Variants in TBC1D14 observed in about 807,000 individuals in gnomAD.
TBC1D14 encodes the protein TBC1 domain family, member 14.
A neutral mutation model predicts 79.0 loss-of-function variants in TBC1D14; 26 were observed. The ratio of observed to expected loss-of-function variants is 0.33; its 90% confidence interval spans 0.24 to 0.46. TBC1D14 has a LOEUF of 0.46. TBC1D14 is among the 20% of genes least tolerant of loss of function. The probability of loss-of-function intolerance (pLI) is 1.00; values close to 1 mark genes in which losing one functional copy is unlikely to be tolerated. For synonymous variants in TBC1D14, 394 were observed against 349.9 expected (o/e 1.13, Z -1.40); for missense variants, 769 against 887.6 (o/e 0.87, Z 1.70).
At chr4:6,978,129 C>T (rs1228381697) in intron 3 of TBC1D14, among the ~76,000 whole-genome samples, 1 of 149,230 alleles carries the variant, frequency 6.7e-6, no homozygotes, top group East Asian at 2.0e-4. Context: ...GGGGGTCAGC[C>T]CCCCGCCCGG....
chr4:6,994,737 G>A (rs56359612), intron 4 of TBC1D14, among the ~76,000 whole-genome samples: 1,570 of 152,032 alleles, frequency 0.01, 12 homozygotes, highest in Non-Finnish European at 0.018. Context: ...GATGGGTGCC[G>A]TAATCCTAGC....
chr4:7,008,354 G>T (rs1256316959), intron 9 of TBC1D14, among the ~76,000 whole-genome samples: 1 of 152,200 alleles, frequency 6.6e-6, no homozygotes, highest in Non-Finnish European at 1.5e-5. Context: ...CTAAAAGAAA[G>T]CAAAGAACAG....
At chr4:6,951,767 T>G (rs570396894) in intron 2 of TBC1D14, among the ~76,000 whole-genome samples, 1 of 152,370 alleles carries the variant, frequency 6.6e-6, no homozygotes, top group South Asian at 2.1e-4. Context: ...TGAGTGTATT[T>G]CTTCCTTAAT....
chr4:6,913,980 C>A (rs1038648787), intron 1 of TBC1D14, among the ~76,000 whole-genome samples: 33 of 151,938 alleles, frequency 2.2e-4, no homozygotes, highest in African/African-American at 3.9e-4. Context: ...ACAACAACAA[C>A]AAAAAATTAG....
intron 11 of TBC1D14, among the ~76,000 whole-genome samples, chr4:7,012,059 G>A (rs1720834990): frequency 6.6e-6 from 1 of 151,908 alleles, no homozygotes; most frequent in Non-Finnish European, 1.5e-5. Context: ...CCAGCACTTT[G>A]GGAGGCCGAG....
chr4:7,004,932 G>A lies in TBC1D14; in HGVS notation c.1351+8G>A. The stretch of plus-strand genomic sequence containing the variant: ...CTGAAGTGGAGAACGAAGGTAGAAT[G>A]TCTTCTAAAACCAGCGGACTGCTGT... On this transcript the variant is annotated splice_region_variant and intron_variant, in intron 8 of 13. Coordinates refer to ENST00000409757, the MANE Select transcript of TBC1D14 (RefSeq NM_020773.3). The A allele has an allele frequency of 6.2e-7, 1 of 1,613,694 alleles. No individual in the cohort carries two copies.
intron 3 of TBC1D14, among the ~76,000 whole-genome samples, chr4:6,973,498 T>G (rs1405443907): frequency 6.6e-6 from 1 of 152,140 alleles, no homozygotes; most frequent in Non-Finnish European, 1.5e-5. Flanking sequence ...AATAAGCACA[T>G]TCCACCCGGT....
chr4:6,974,479 T>C (rs1337267249), intron 3 of TBC1D14, among the ~76,000 whole-genome samples: 1 of 152,212 alleles, frequency 6.6e-6, no homozygotes, highest in African/African-American at 2.4e-5. Context: ...TCTCGTCATG[T>C]TGTGGGTACC....
Position 6,965,148 on chromosome 4 carries a change from T to A in TBC1D14, c.723-2156T>A, listed in dbSNP as rs74870284. Reference sequence around the variant, plus strand: ...CAGTCTGTAACCATACTTCATCAATTGTCCCAATAATCTTTTTTTTTTTTG... The same window carrying A: ...CAGTCTGTAACCATACTTCATCAATAGTCCCAATAATCTTTTTTTTTTTTG... On this transcript the variant is annotated intron_variant, in intron 2 of 13. Coordinates refer to ENST00000409757, the MANE Select transcript of TBC1D14 (RefSeq NM_020773.3). Among the ~76,000 whole-genome samples, 382 of 133,092 alleles carry A rather than the reference T, an allele frequency of 2.9e-3. 2 individuals are homozygous for A. The highest frequency in any genetic ancestry group is 4.8e-3 in the Non-Finnish European group (303 of 63,212). The allele number at this position is 133,092 out of a possible 152,430, so 87.3% of individuals were successfully genotyped here. A position where few individuals can be genotyped will look rare whatever the true frequency, so the allele number is the denominator to read the frequency against.
intron 2 of TBC1D14, among the ~76,000 whole-genome samples, chr4:6,955,500 A>G (rs1053298772): frequency 2.6e-5 from 4 of 152,194 alleles, no homozygotes. Context: ...CCAGGTAACT[A>G]TGCTTCAGAA....
At chr4:6,976,300 A>C (rs931868379) in intron 3 of TBC1D14, among the ~76,000 whole-genome samples, 1 of 152,252 alleles carries the variant, frequency 6.6e-6, no homozygotes, top group Non-Finnish European at 1.5e-5. Flanking sequence ...AGCAAAAGAT[A>C]GAAACCTATA....
intron 2 of TBC1D14, among the ~76,000 whole-genome samples, chr4:6,963,763 A>G (rs1208446700): frequency 2.0e-5 from 3 of 152,230 alleles, no homozygotes; most frequent in Admixed American, 6.5e-5. Flanking sequence ...GGCCTATCAT[A>G]TGAGCCTAAG....
At chr4:6,989,611 G>C (rs772318798) in intron 3 of TBC1D14, among the ~76,000 whole-genome samples, 2 of 152,174 alleles carry the variant, frequency 1.3e-5, no homozygotes, top group Admixed American at 6.5e-5. Context: ...TGCCTGCATC[G>C]TATTGCCCCT....
chr4:6,935,238 T>C (rs1577057848), intron 2 of TBC1D14, among the ~76,000 whole-genome samples: 1 of 152,068 alleles, frequency 6.6e-6, no homozygotes, highest in African/African-American at 2.4e-5. Flanking sequence ...TTTTTTTTTT[T>C]CCTTTTTTAA....
Position 6,916,541 on chromosome 4 carries a change from A to G in TBC1D14, c.-18+6590A>G, listed in dbSNP as rs534680295. On this transcript the variant is annotated intron_variant, in intron 1 of 13. Coordinates refer to ENST00000409757, the MANE Select transcript of TBC1D14 (RefSeq NM_020773.3). ...AATCAAGCAGTTGCTTCTAGATGGA[A>G]TTGTTTTCCAAAGCCCCACGCAGAG... 2.0e-5 allele frequency among the ~76,000 whole-genome samples: 3 copies of G among 152,258 alleles called. No individual in the cohort carries two copies. In the South Asian group the frequency reaches 6.2e-4, roughly 32 times the overall value.
At chr4:6,918,814 A>G (rs1723605506) in intron 1 of TBC1D14, among the ~76,000 whole-genome samples, 1 of 152,220 alleles carries the variant, frequency 6.6e-6, no homozygotes, top group Admixed American at 6.5e-5. Context: ...TGTGCTAAAA[A>G]TGTTTCTTAC....
chr4:6,923,259 C>G, intron 1 of TBC1D14, 114 bp from the exon 2 acceptor site: 1 of 1,265,656 alleles, frequency 7.9e-7, no homozygotes, highest in Non-Finnish European at 1.1e-6. Context: ...GTATGTGGAA[C>G]CTTTTCAAGG....
intron 5 of TBC1D14, among the ~76,000 whole-genome samples, chr4:6,997,719 G>A (rs1340875744): frequency 2.0e-5 from 3 of 152,206 alleles, no homozygotes; most frequent in Non-Finnish European, 4.4e-5. Context: ...GGCACATGTG[G>A]CCACATGAAG....
intron 2 of TBC1D14, among the ~76,000 whole-genome samples, chr4:6,937,891 C>T (rs562139871): frequency 9.9e-5 from 15 of 152,102 alleles, no homozygotes; most frequent in Non-Finnish European, 1.9e-4. Flanking sequence ...ACACAGCCGG[C>T]TGGGAGTGGA....
Sources: allele counts gnomAD v4.1 joint callset (sites outside exome capture counted in the v4.1 genomes callset), GRCh38; gene constraint gnomAD v4.1.1; transcripts MANE v1.5; gene names NCBI Gene and HGNC (gene_info 2026-07-23, HGNC 2026-07-21).